CCDC88B: variants seen among roughly 807,000 people sequenced by gnomAD.
CCDC88B encodes the protein coiled-coil domain-containing protein 88B.
Under a neutral mutation model 183.7 loss-of-function variants are expected in CCDC88B, and 138 were observed. That is an observed-to-expected ratio of 0.75 (90% CI 0.65 to 0.87). The LOEUF is 0.87. CCDC88B is among the 40% of genes least tolerant of loss of function. CCDC88B has a pLI of 0.00. For synonymous variants in CCDC88B, 835 were observed against 867.5 expected (o/e 0.96, Z 0.66); for missense variants, 1,822 against 1,965.6 (o/e 0.93, Z 1.38).
Position 64,344,429 on chromosome 11 carries a change from C to T in CCDC88B, c.1888C>T (p.Pro630Ser), listed in dbSNP as rs751852196. The T allele has an allele frequency of 1.3e-6, 2 of 1,591,756 alleles. No individual in the cohort carries two copies. Among genetic ancestry groups the T allele is most frequent in the Admixed American group, 1.8e-5 (1 of 55,730 alleles). Residue 630 changes from proline to serine, a missense_variant, in exon 14 of 27, where the codon CCC (proline) becomes TCC (serine). Transcript: ENST00000356786. This position sits in a 1 kb window ranked among gnomAD's most constrained non-coding sequence, Gnocchi z 4.5. ...AGGAGAGACAGAGGGAAGAGAGGCT[C>T]CCCAAGGCGAGTTGGTGCCTGAGGC... ...LGGETEGREA[P>S]QGELVPEAWG...
chr11:64,353,001 A>G, intron 20 of CCDC88B, 53 bp from the exon 21 acceptor site: 1 of 1,523,878 alleles, frequency 6.6e-7, no homozygotes, highest in Non-Finnish European at 8.8e-7. Context: ...TCTGGCCAGC[A>G]CTCGGACTGG....
At position 64,342,592 on chromosome 11, in the gene CCDC88B, G is replaced by A. The variant is rs1321550221; in HGVS notation, c.974G>A (p.Arg325Gln). Reference sequence around the variant, plus strand: ...GAGGAGGCAGAGGCGCTGCGGGAGCGGGCCGGCCGCCTGCCCCGCCTGCAG... The same window carrying A: ...GAGGAGGCAGAGGCGCTGCGGGAGCAGGCCGGCCGCCTGCCCCGCCTGCAG... ...YREEAEALRE[R>Q]AGRLPRLQEE... Residue 325 changes from arginine to glutamine, a missense_variant, in exon 10 of 27, where the codon CGG becomes CAG. Coordinates refer to ENST00000356786, the MANE Select transcript of CCDC88B (RefSeq NM_032251.6). 1 of 1,531,000 alleles carries A rather than the reference G, an allele frequency of 6.5e-7. No homozygotes were observed. The highest frequency in any genetic ancestry group is 2.5e-5 in the East Asian group (1 of 40,780). 94.8% of individuals were successfully genotyped at this position (1,531,000 alleles called of 1,614,324 possible).
At chr11:64,340,490 G>A (rs1329699615) in intron 1 of CCDC88B, 117 bp from the exon 2 acceptor site, 1 of 1,468,258 alleles carries the variant, frequency 6.8e-7, no homozygotes, top group African/African-American at 1.4e-5. Context: ...GGTGAGGGAA[G>A]AGGGGACAGA....
At chr11:64,351,997 C>T in intron 18 of CCDC88B, 133 bp from the exon 19 acceptor site, 1 of 1,301,280 alleles carries the variant, frequency 7.7e-7, no homozygotes, top group Non-Finnish European at 1.1e-6. Flanking sequence ...CTGCTGTGCC[C>T]CCAGCCCTTT....
At chr11:64,348,679 T>TG (rs941832918) in intron 14 of CCDC88B, among the ~76,000 whole-genome samples, 1 of 152,176 alleles carries the variant, frequency 6.6e-6, no homozygotes, top group African/African-American at 2.4e-5. Flanking sequence ...CAGCTGGTCA[T>TG]GGGCAGCTGT....
chr11:64,342,255 TG>T, intron 8 of CCDC88B, 38 bp from the exon 9 acceptor site: 1 of 1,572,646 alleles, frequency 6.4e-7, no homozygotes. Context: ...CTGGGGGTTG[TG>T]GGCCCCCAGA....
chr11:64,350,055 G>A, intron 16 of CCDC88B: 1 of 288,678 alleles, frequency 3.5e-6, no homozygotes, highest in Non-Finnish European at 6.8e-6. Context: ...ATCCCAGGCT[G>A]CCATCCTCAG....
chr11:64,347,631 C>T (rs1358745790), intron 14 of CCDC88B, among the ~76,000 whole-genome samples: 1 of 152,304 alleles, frequency 6.6e-6, no homozygotes, highest in East Asian at 1.9e-4. Context: ...GGGGTCCACT[C>T]TGTGGGGTGT....
At position 64,341,644 on chromosome 11, in the gene CCDC88B, G is replaced by T. The variant is rs143094813; in HGVS notation, c.577G>T (p.Asp193Tyr). Residue 193 changes from aspartate (D) to tyrosine (Y), a missense_variant, in exon 7 of 27, where the codon GAT (aspartate) becomes TAT (tyrosine). By Grantham distance (160) the Asp-to-Tyr change is radical. Coordinates refer to ENST00000356786, the MANE Select transcript of CCDC88B (RefSeq NM_032251.6). Reference sequence around the variant, plus strand: ...CGTGGTGCTGGCACTGTCTGGGCCAGATCCTGGGGAGCTGGCACCTGCCGA... The same window carrying T: ...CGTGGTGCTGGCACTGTCTGGGCCATATCCTGGGGAGCTGGCACCTGCCGA... ...AGVVLALSGP[D>Y]PGELAPAELE... 2 of 1,607,150 alleles carry T rather than the reference G, an allele frequency of 1.2e-6. No homozygotes were observed. Among genetic ancestry groups the T allele is most frequent in the Non-Finnish European group, 1.7e-6 (2 of 1,176,998 alleles).
chr11:64,341,494 C>T lies in CCDC88B; in HGVS notation c.521C>T (p.Ala174Val). ...GAGGTCCAGAGCGAGCTGGCCGCTG[C>T]CATCCAGGAGGTACTGAGACGGTTC... ...SLEVQSELAA[A>V]IQEVTQPGAG... The change falls in exon 6 of 27, where the codon GCC (alanine) becomes GTC (valine). Residue 174 changes from alanine (A) to valine (V), a missense_variant. Ala to Val is a moderately conservative substitution (Grantham distance 64). Coordinates refer to ENST00000356786, the MANE Select transcript of CCDC88B (RefSeq NM_032251.6). The T allele has an allele frequency of 6.2e-7, 1 of 1,613,810 alleles. No individual in the cohort carries two copies. Among genetic ancestry groups the T allele is most frequent in the South Asian group, 1.1e-5 (1 of 91,084 alleles).
rs533054579 is a variant in CCDC88B at position 64,357,272 on chromosome 11, C to T, written c.*178C>T. On this transcript the variant is annotated 3_prime_UTR_variant, in exon 27 of 27. Coordinates refer to ENST00000356786, the MANE Select transcript of CCDC88B (RefSeq NM_032251.6). ...CCGGGGCCCGGAGATGGAGCTGGGA[C>T]GAGTGTGTGGACAGGGGGGATGGCT... 3.1e-5 allele frequency: 24 copies of T among 778,628 alleles called. 1 individual carries two copies. Among genetic ancestry groups the T allele is most frequent in the African/African-American group, 1.2e-4 (7 of 58,452 alleles). The allele number at this position is 778,628 out of a possible 1,614,324, so 48.2% of individuals were successfully genotyped here.
chr11:64,355,578 A>T lies in CCDC88B; in HGVS notation c.4325A>T (p.Glu1442Val), dbSNP rs762270410. The change falls in exon 26 of 27, where the codon GAG (glutamate) becomes GTG (valine). Residue 1442 changes from glutamate (E) to valine (V), a missense_variant. Transcript: ENST00000356786. Reference sequence around the variant, plus strand: ...CTCCCAGGACCTGGTGTGGGATGGGAGAACTCCGCTGAGACCCTGCAGGAA... The same window carrying T: ...CTCCCAGGACCTGGTGTGGGATGGGTGAACTCCGCTGAGACCCTGCAGGAA... ...SHSKGPGVGW[E>V]NSAETLQEHE... 24 of 1,612,916 alleles carry T rather than the reference A, an allele frequency of 1.5e-5. No individual in the cohort carries two copies. In the East Asian group the frequency reaches 5.3e-4, roughly 36 times the overall value.
intron 10 of CCDC88B, chr11:64,342,910 G>T: frequency 2.3e-6 from 1 of 433,096 alleles, no homozygotes; most frequent in Admixed American, 3.9e-5. Flanking sequence ...GCCTTGGAAG[G>T]AGGGCTGTTC....
intron 24 of CCDC88B, 64 bp from the exon 25 acceptor site, chr11:64,355,130 T>C: frequency 1.3e-6 from 1 of 797,418 alleles, no homozygotes; most frequent in Non-Finnish European, 1.5e-6. Context: ...TCTGACCTCC[T>C]CCCTACAGGA....
At chr11:64,347,008 A>G (rs2036139058) in intron 14 of CCDC88B, among the ~76,000 whole-genome samples, 1 of 151,340 alleles carries the variant, frequency 6.6e-6, no homozygotes, top group Non-Finnish European at 1.5e-5. Context: ...GTTGGCCAGG[A>G]TGGTCTCAAT....
At position 64,355,203 on chromosome 11, in the gene CCDC88B, C is replaced by A. The variant is rs757537141; in HGVS notation, c.4109C>A (p.Ser1370Tyr). Residue 1370 changes from serine to tyrosine, a missense_variant, in exon 25 of 27, where the codon TCC becomes TAC. Ser to Tyr is a moderately radical substitution (Grantham distance 144). Coordinates refer to ENST00000356786, the MANE Select transcript of CCDC88B (RefSeq NM_032251.6). ...CATGTACCTCTTGCAGGGTCCCCTTCCCCGGCACCCATGCGCCGGGCCCAG... is the reference window on the plus strand; with the variant it reads ...CATGTACCTCTTGCAGGGTCCCCTTACCCGGCACCCATGCGCCGGGCCCAG... Reference protein sequence around the residue: ...GREADGTGSPSPAPMRRAQSS... With the variant: ...GREADGTGSPYPAPMRRAQSS... 4.0e-6 allele frequency: 6 copies of A among 1,492,178 alleles called. No homozygotes were observed. In the African/African-American group the frequency reaches 7.1e-5, roughly 18 times the overall value. 92.4% of individuals were successfully genotyped at this position (1,492,178 alleles called of 1,614,324 possible).
In CCDC88B at chr11:64,341,191, C is replaced by A. The variant is rs947516415; in HGVS notation, c.388+13C>A. 26 of 1,614,098 alleles carry A rather than the reference C, an allele frequency of 1.6e-5. No homozygotes were observed. Among genetic ancestry groups the A allele is most frequent in the Non-Finnish European group, 2.2e-5 (26 of 1,180,002 alleles). ...GACCCTCTCTCAGGTGCTCTCCCCA[C>A]CCACACCCTCCTGCCTCTGCCCCCG... On this transcript the variant is annotated intron_variant, in intron 4 of 26. Transcript: ENST00000356786.
Position 64,343,362 on chromosome 11 carries a change from G to A in CCDC88B, c.1209+37G>A, listed in dbSNP as rs372368269. 5.4e-5 allele frequency: 84 copies of A among 1,546,140 alleles called. No individual in the cohort carries two copies. The African/African-American group carries it at 8.9e-4, about 16-fold the overall frequency. ...AGAGTGATCCCACTTGGGTTGCCCC[G>A]TCACCCCATGACCCCATTGATTCCC... On this transcript the variant is annotated intron_variant, in intron 11 of 26. Coordinates refer to ENST00000356786, the MANE Select transcript of CCDC88B (RefSeq NM_032251.6).
At chr11:64,342,408 T>C (rs778210121) in intron 9 of CCDC88B, 33 bp downstream of exon 9, 2 of 1,553,380 alleles carry the variant, frequency 1.3e-6, no homozygotes, top group Admixed American at 3.9e-5. Context: ...ACCGCGGCAT[T>C]CCCTAACCTC....
Sources: allele counts gnomAD v4.1 joint callset (sites outside exome capture counted in the v4.1 genomes callset), GRCh38; gene constraint gnomAD v4.1.1; non-coding constraint Gnocchi (gnomAD v3.1); transcripts MANE v1.5; gene names NCBI Gene and HGNC (gene_info 2026-07-23, HGNC 2026-07-21).